GABRB1: variants seen among roughly 807,000 people sequenced by gnomAD.
GABRB1 encodes gamma-aminobutyric acid receptor subunit beta-1.
GABRB1 carries 17 observed loss-of-function variants against 51.6 expected under a neutral mutation model. The ratio of observed to expected loss-of-function variants is 0.33; its 90% CI spans 0.23 to 0.49. The LOEUF (loss-of-function observed/expected upper bound fraction) is 0.49, where lower values mean the gene tolerates loss of function less well. GABRB1 is among the 20% of genes least tolerant of loss of function. The probability of loss-of-function intolerance (pLI) is 0.99; values close to 1 mark genes in which losing one functional copy is unlikely to be tolerated. For missense variants in GABRB1, 410 were observed against 600.6 expected, an observed-to-expected ratio of 0.68 and a Z score of 3.32; for synonymous variants, 247 against 218.9, an observed-to-expected ratio of 1.13 and a Z score of -1.14.
At chr4:47,154,591 G>T (rs1255440825) in intron 3 of GABRB1, among the ~76,000 whole-genome samples, 1 of 151,964 alleles carries the variant, frequency 6.6e-6, no homozygotes, top group Non-Finnish European at 1.5e-5. Flanking sequence ...ATGAGATTCT[G>T]ATATGTGTGT....
intron 4 of GABRB1, among the ~76,000 whole-genome samples, chr4:47,215,981 T>C (rs1343153300): frequency 6.6e-6 from 1 of 152,056 alleles, no homozygotes; most frequent in African/African-American, 2.4e-5. Flanking sequence ...TGTTACCTTT[T>C]ACCTTAAATG....
At position 47,372,904 on chromosome 4, in the gene GABRB1, T is replaced by C. The variant is rs1727249609; in HGVS notation, c.545-30414T>C. Among the ~76,000 whole-genome samples the C allele has an allele frequency of 2.0e-5, 3 of 152,090 alleles. No homozygotes were observed. In the South Asian group the frequency reaches 6.2e-4, roughly 32 times the overall value. On this transcript the variant is annotated intron_variant, in intron 5 of 8. Transcript: ENST00000295454. The stretch of plus-strand genomic sequence containing the variant: ...ACTACTACCTTCCTCTTCTCCCTCC[T>C]CACTCCCTCCCCATACTCACACACT...
intron 8 of GABRB1, among the ~76,000 whole-genome samples, chr4:47,410,821 T>C (rs1157945103): frequency 2.0e-5 from 3 of 152,196 alleles, no homozygotes; most frequent in South Asian, 4.1e-4. Context: ...AGGTTTTCCA[T>C]AAAAATCTCA....
intron 1 of GABRB1, among the ~76,000 whole-genome samples, chr4:47,006,289 G>T (rs1226571401): frequency 6.6e-6 from 1 of 151,756 alleles, no homozygotes; most frequent in Non-Finnish European, 1.5e-5. Context: ...TGAAACAGTT[G>T]GGCTCTTGGG....
intron 5 of GABRB1, among the ~76,000 whole-genome samples, chr4:47,377,012 C>T (rs956720424): frequency 6.7e-6 from 1 of 150,060 alleles, no homozygotes; most frequent in Non-Finnish European, 1.5e-5. Context: ...TTTATTTATC[C>T]ATCTCCCTCT....
At chr4:47,040,887 G>A (rs1000764646) in intron 3 of GABRB1, among the ~76,000 whole-genome samples, 14 of 152,126 alleles carry the variant, frequency 9.2e-5, no homozygotes, top group African/African-American at 3.4e-4. Flanking sequence ...ACAGTATTTA[G>A]AGCATACTTT....
At chr4:47,271,944 T>C (rs1722889153) in intron 4 of GABRB1, among the ~76,000 whole-genome samples, 1 of 152,056 alleles carries the variant, frequency 6.6e-6, no homozygotes, top group Non-Finnish European at 1.5e-5. Context: ...ATGGGTGAGT[T>C]TTACTAGTAT....
chr4:47,393,334 G>T (rs1392490381), intron 5 of GABRB1, among the ~76,000 whole-genome samples: 1 of 152,160 alleles, frequency 6.6e-6, no homozygotes, highest in Non-Finnish European at 1.5e-5. Flanking sequence ...GAGCCTAGTG[G>T]GGGAAAGACA....
chr4:47,377,229 C>T (rs1321124988), intron 5 of GABRB1, among the ~76,000 whole-genome samples: 1 of 151,760 alleles, frequency 6.6e-6, no homozygotes, highest in Non-Finnish European at 1.5e-5. Flanking sequence ...CTGCAACCTC[C>T]ACCTCCTGGG....
At chr4:47,119,016 A>G (rs1715627069) in intron 3 of GABRB1, among the ~76,000 whole-genome samples, 1 of 152,210 alleles carries the variant, frequency 6.6e-6, no homozygotes, top group Non-Finnish European at 1.5e-5. Context: ...CTGTACATGC[A>G]TATGAAAATG....
chr4:47,206,906 G>A (rs895195024), intron 4 of GABRB1, among the ~76,000 whole-genome samples: 8 of 151,728 alleles, frequency 5.3e-5, no homozygotes, highest in African/African-American at 1.4e-4. Flanking sequence ...ATGTGTGTGT[G>A]TTTATCAGGC....
At chr4:47,269,845 C>G (rs1722787680) in intron 4 of GABRB1, among the ~76,000 whole-genome samples, 1 of 151,638 alleles carries the variant, frequency 6.6e-6, no homozygotes, top group Admixed American at 6.6e-5. Flanking sequence ...TAGAAGAGCC[C>G]ACATTCTTAA....
At chr4:47,239,528 C>G (rs753681562) in intron 4 of GABRB1, among the ~76,000 whole-genome samples, 43 of 152,224 alleles carry the variant, frequency 2.8e-4, no homozygotes, top group Middle Eastern at 3.4e-3. Context: ...GCAACGGGCC[C>G]CATCATTTCT....
intron 3 of GABRB1, among the ~76,000 whole-genome samples, chr4:47,095,331 C>T (rs1333185529): frequency 6.6e-6 from 1 of 151,890 alleles, no homozygotes. Flanking sequence ...GCAAGAGCAA[C>T]AGTAGTCTGT....
At chr4:47,263,954 C>T (rs375724113) in intron 4 of GABRB1, among the ~76,000 whole-genome samples, 37 of 150,156 alleles carry the variant, frequency 2.5e-4, no homozygotes, top group African/African-American at 7.4e-4. Flanking sequence ...CAAAACATGA[C>T]GAAAGTTCAC....
chr4:47,023,199 G>A (rs1455270865), intron 1 of GABRB1, among the ~76,000 whole-genome samples: 1 of 151,974 alleles, frequency 6.6e-6, no homozygotes, highest in Non-Finnish European at 1.5e-5. Flanking sequence ...GGGGCCTGAG[G>A]GGAAGCTGGG....
intron 4 of GABRB1, among the ~76,000 whole-genome samples, chr4:47,226,901 G>A (rs1396616507): frequency 6.6e-6 from 1 of 152,146 alleles, no homozygotes; most frequent in Non-Finnish European, 1.5e-5. Context: ...AGGGAAAGGA[G>A]CAGAGACAAT....
chr4:47,324,742 C>T (rs943871083), intron 5 of GABRB1, among the ~76,000 whole-genome samples: 1 of 152,228 alleles, frequency 6.6e-6, no homozygotes, highest in African/African-American at 2.4e-5. Flanking sequence ...CTTGGCATGT[C>T]TGTTTTGATG....
At chr4:47,295,370 G>A (rs1204103558) in intron 4 of GABRB1, among the ~76,000 whole-genome samples, 1 of 152,176 alleles carries the variant, frequency 6.6e-6, no homozygotes, top group East Asian at 1.9e-4. Flanking sequence ...AAAAAATTTA[G>A]ACGAATGAAT....
Sources: gnomAD v4.1 joint callset for allele counts (sites outside exome capture counted in the v4.1 genomes callset) on GRCh38, gnomAD v4.1.1 for gene constraint, MANE v1.5 for transcripts, NCBI Gene and HGNC (gene_info 2026-07-23, HGNC 2026-07-21) for gene names.